The following ZNF469 variants were observed in gnomAD, a reference collection of about 807,000 sequenced individuals.
The protein encoded by ZNF469 is zinc finger protein 469.
A neutral mutation model predicts 1.0 loss-of-function variants in ZNF469; 1 was observed. That is an observed-to-expected ratio of 1.00 (90% CI 0.35 to 4.73). The LOEUF (loss-of-function observed/expected upper bound fraction) is 4.73. Ranked by LOEUF, ZNF469 falls within the 30% of genes most tolerant of loss-of-function variation. The probability of loss-of-function intolerance (pLI) is 0.16; values close to 1 mark genes in which losing one functional copy is unlikely to be tolerated. For missense variants in ZNF469, 6,100 were observed against 5,356.3 expected, an observed-to-expected ratio of 1.14 and a Z score of -4.33; for synonymous variants, 2,703 against 2,363.4, an observed-to-expected ratio of 1.14 and a Z score of -4.17.
chr16:88,243,187 T>C, the ZNF469 span, among the ~76,000 whole-genome samples: 1 of 152,180 alleles, frequency 6.6e-6, no homozygotes, highest in Non-Finnish European at 1.5e-5. Context: ...AAGCTCCTCA[T>C]GTGACCACCA....
At chr16:88,380,483 G>GTCACACAGACA (rs1486035365), upstream of ZNF469, among the ~76,000 whole-genome samples, 2 of 96,846 alleles carry the variant, frequency 2.1e-5, no homozygotes, top group Non-Finnish European at 3.9e-5. Context: ...TCACACATAC[G>GTCACACAGACA]TGCACACACA....
intron 1 of ZNF469, among the ~76,000 whole-genome samples, chr16:88,412,908 G>A (rs1037359479): frequency 2.0e-5 from 3 of 152,136 alleles, no homozygotes; most frequent in South Asian, 2.1e-4. Flanking sequence ...ACTGTGCTCC[G>A]TGTCCTGGCA....
rs2142316796 is a variant in ZNF469, at chr16:88,438,441, TG to T, written c.10972del (p.Glu3658ArgfsTer62). 3 of 1,550,052 alleles carry T rather than the reference TG, an allele frequency of 1.9e-6. No homozygotes were observed. Among genetic ancestry groups the T allele is most frequent in the Non-Finnish European group, 2.6e-6 (3 of 1,146,930 alleles). ...AGGTGTCCTCAAGCCACATGGTGTC[TG>T]AGGGGGGGCCCCGAGGCGCCTTCCA... ...KEVSSSHMVS[E>X]GGPRGAFHKG... On this transcript the variant is annotated frameshift_variant, in exon 3 of 3. Transcript: ENST00000565624. LOFTEE classifies it low-confidence loss of function (END_TRUNC).
rs1169535337 is a variant in ZNF469 at position 88,437,228 on chromosome 16, G to A, written c.9758G>A (p.Gly3253Glu). ...GCCGGCAAGGCCGCCGGGAGCCCGG[G>A]AGACCCGTGGGGGCAAGAGGGAGAA... is the stretch of plus-strand genomic sequence containing the variant. The part of the protein sequence containing the change: ...RSAGKAAGSP[G>E]DPWGQEGEAK... The change falls in exon 3 of 3, where the codon GGA becomes GAA. Residue 3253 changes from glycine to glutamate, a missense_variant. By Grantham distance (98) the Gly-to-Glu change is moderately conservative (BLOSUM62 -2). Coordinates refer to ENST00000565624, the MANE Select transcript of ZNF469 (RefSeq NM_001367624.2). The A allele has an allele frequency of 2.6e-6, 4 of 1,549,236 alleles. No individual in the cohort carries two copies. Among genetic ancestry groups the A allele is most frequent in the African/African-American group, 2.7e-5 (2 of 73,006 alleles).
chr16:88,322,097 G>C, the ZNF469 span, among the ~76,000 whole-genome samples: 1 of 152,256 alleles, frequency 6.6e-6, no homozygotes, highest in Non-Finnish European at 1.5e-5. Context: ...CGGGCTGCAG[G>C]CTACAGCATC....
chr16:88,196,871 C>T, the ZNF469 span, among the ~76,000 whole-genome samples: 1 of 152,198 alleles, frequency 6.6e-6, no homozygotes, highest in Non-Finnish European at 1.5e-5. Context: ...TCCATGAGCC[C>T]TGTGGGCTCC....
At chr16:88,159,415 C>G in the ZNF469 span, among the ~76,000 whole-genome samples, 1 of 152,118 alleles carries the variant, frequency 6.6e-6, no homozygotes, top group Non-Finnish European at 1.5e-5. Context: ...CCATCTGATC[C>G]CATCTTCTCA....
At chr16:88,286,975 A>G in the ZNF469 span, among the ~76,000 whole-genome samples, 5 of 152,216 alleles carry the variant, frequency 3.3e-5, no homozygotes, top group Admixed American at 3.3e-4. Flanking sequence ...AGCAGCTCAA[A>G]TGAGCTTAGG....
the ZNF469 span, among the ~76,000 whole-genome samples, chr16:88,129,114 A>G: frequency 1.3e-5 from 2 of 152,236 alleles, no homozygotes; most frequent in Admixed American, 6.5e-5. Flanking sequence ...TTAAACTCCA[A>G]CTATCAAAAA....
At chr16:88,125,546 C>T in the ZNF469 span, among the ~76,000 whole-genome samples, 4 of 152,182 alleles carry the variant, frequency 2.6e-5, no homozygotes, top group South Asian at 2.1e-4. Context: ...TTAACTCTAT[C>T]GAGTAATCCA....
chr16:88,223,574 G>C, the ZNF469 span, among the ~76,000 whole-genome samples: 1 of 152,160 alleles, frequency 6.6e-6, no homozygotes, highest in Admixed American at 6.5e-5. Flanking sequence ...CCAGCACAAA[G>C]CCGAGTGAAG....
chr16:88,289,792 C>T, the ZNF469 span, among the ~76,000 whole-genome samples: 17 of 152,262 alleles, frequency 1.1e-4, no homozygotes, highest in East Asian at 1.7e-3. Context: ...CTGGCAGATG[C>T]GCATGGTAGG....
chr16:88,181,626 A>C, the ZNF469 span, among the ~76,000 whole-genome samples: 2 of 152,366 alleles, frequency 1.3e-5, no homozygotes, highest in South Asian at 4.1e-4. Flanking sequence ...AAGAAAATAC[A>C]TATGACAATT....
At chr16:88,199,533 G>C in the ZNF469 span, among the ~76,000 whole-genome samples, 1 of 152,190 alleles carries the variant, frequency 6.6e-6, no homozygotes, top group South Asian at 2.1e-4. Context: ...GTTTGATGAA[G>C]GTGCCCTTGC....
intron 1 of ZNF469, among the ~76,000 whole-genome samples, chr16:88,388,340 A>G (rs1904391700): frequency 6.6e-6 from 1 of 152,264 alleles, no homozygotes; most frequent in Admixed American, 6.5e-5. Flanking sequence ...TCGCAGGGCC[A>G]GCATCCCAGC....
the ZNF469 span, among the ~76,000 whole-genome samples, chr16:88,143,869 C>T: frequency 1.3e-5 from 2 of 152,148 alleles, no homozygotes; most frequent in Non-Finnish European, 2.9e-5. Context: ...TGGCGGCCAG[C>T]GGCACCAGAC....
the ZNF469 span, among the ~76,000 whole-genome samples, chr16:88,353,682 G>A: frequency 3.5e-4 from 54 of 152,232 alleles, no homozygotes; most frequent in Non-Finnish European, 6.0e-4. Context: ...TCCTCAGAAT[G>A]TGACCTCTCT....
the ZNF469 span, among the ~76,000 whole-genome samples, chr16:88,229,667 T>TCA: frequency 0.93 from 134,342 of 144,224 alleles, 62,922 homozygotes; most frequent in Non-Finnish European, 0.99. Context: ...CGTGTGGATG[T>TCA]CGCGTGTGTG....
chr16:88,278,799 C>T, the ZNF469 span, among the ~76,000 whole-genome samples: 1 of 121,502 alleles, frequency 8.2e-6, no homozygotes, highest in African/African-American at 2.8e-5. Context: ...TATTAATGCA[C>T]GGTTAGTGCT....
Sources: gnomAD v4.1 joint callset for allele counts (sites outside exome capture counted in the v4.1 genomes callset) on GRCh38, gnomAD v4.1.1 for gene constraint, MANE v1.5 for transcripts, NCBI Gene and HGNC (gene_info 2026-07-23, HGNC 2026-07-21) for gene names.